Variants in SV2C observed in about 807,000 individuals in gnomAD.
The protein encoded by SV2C is solute carrier family 22 member B3.
SV2C carries 49 observed loss-of-function variants against 79.7 expected under a neutral mutation model. The observed-to-expected ratio is 0.61, with a 90% CI of 0.49 to 0.78. SV2C has a LOEUF of 0.78. Ranked by LOEUF, SV2C falls within the 30% of genes least tolerant of loss-of-function variation. The pLI is 0.00. For missense variants in SV2C, 833 were observed against 912.9 expected, an observed-to-expected ratio of 0.91 and a Z score of 1.13; for synonymous variants, 334 against 333.2, an observed-to-expected ratio of 1.00 and a Z score of -0.03.
chr5:75,883,482 T>C, the SV2C span, among the ~76,000 whole-genome samples: 4 of 142,962 alleles, frequency 2.8e-5, no homozygotes, highest in South Asian at 2.1e-4. Flanking sequence ...ATGTGGCACA[T>C]ATACACCATG....
At chr5:75,941,065 T>C in the SV2C span, among the ~76,000 whole-genome samples, 1 of 152,210 alleles carries the variant, frequency 6.6e-6, no homozygotes, top group Non-Finnish European at 1.5e-5. Flanking sequence ...TGGAATTTCA[T>C]ACATTATGCA....
intron 1 of SV2C, among the ~76,000 whole-genome samples, chr5:76,097,560 A>C (rs551070262): frequency 1.3e-5 from 2 of 152,298 alleles, no homozygotes; most frequent in South Asian, 4.1e-4. Flanking sequence ...CATATTTTAA[A>C]ACATAATTTG....
chr5:76,351,488 A>G (rs1749641335), intron 12 of SV2C, among the ~76,000 whole-genome samples: 1 of 152,028 alleles, frequency 6.6e-6, no homozygotes, highest in Non-Finnish European at 1.5e-5. Context: ...TCTGGGCTAG[A>G]TAGTATTTTG....
intron 4 of SV2C, among the ~76,000 whole-genome samples, chr5:76,217,206 C>T (rs554135095): frequency 2.0e-4 from 31 of 152,188 alleles, no homozygotes; most frequent in Non-Finnish European, 3.7e-4. Flanking sequence ...TTACCCCACC[C>T]TACGTCTCCA....
the SV2C span, among the ~76,000 whole-genome samples, chr5:76,025,611 T>C: frequency 6.6e-6 from 1 of 152,190 alleles, no homozygotes; most frequent in African/African-American, 2.4e-5. Context: ...TTTTATTCTA[T>C]GTATTGAGAT....
intron 4 of SV2C, among the ~76,000 whole-genome samples, chr5:76,225,029 G>T (rs375684038): frequency 1.3e-5 from 2 of 152,142 alleles, no homozygotes; most frequent in African/African-American, 2.4e-5. Context: ...ACTGGGTATG[G>T]CATCTTAGCC....
intron 1 of SV2C, among the ~76,000 whole-genome samples, chr5:76,099,752 A>G (rs888674942): frequency 1.3e-5 from 2 of 152,182 alleles, no homozygotes; most frequent in African/African-American, 4.8e-5. Context: ...TATTAACAGT[A>G]AGAAGGATTC....
chr5:76,105,486 C>A (rs1210581933), intron 1 of SV2C, among the ~76,000 whole-genome samples: 1 of 152,102 alleles, frequency 6.6e-6, no homozygotes, highest in African/African-American at 2.4e-5. Flanking sequence ...TTGAGTAGCA[C>A]CTGCTTCTCA....
intron 1 of SV2C, chr5:76,091,568 G>C (rs561928053): frequency 1.3e-5 from 2 of 152,252 alleles, no homozygotes; most frequent in Non-Finnish European, 2.9e-5. Flanking sequence ...CCTGGTGTAC[G>C]AACATGCCAA....
chr5:76,018,005 A>G, the SV2C span, among the ~76,000 whole-genome samples: 1 of 152,178 alleles, frequency 6.6e-6, no homozygotes, highest in Admixed American at 6.5e-5. Flanking sequence ...TCACGGTGCC[A>G]CAGCCTCATG....
the SV2C span, among the ~76,000 whole-genome samples, chr5:76,023,431 A>G: frequency 2.6e-5 from 4 of 152,130 alleles, no homozygotes; most frequent in Admixed American, 6.6e-5. Context: ...GAGCTCTGAA[A>G]TATGGCCAGG....
At chr5:75,971,730 C>T in the SV2C span, among the ~76,000 whole-genome samples, 425 of 152,164 alleles carry the variant, frequency 2.8e-3, 5 homozygotes, top group African/African-American at 7.9e-3. Flanking sequence ...GAATCAATAT[C>T]GTGAAAATGG....
the SV2C span, among the ~76,000 whole-genome samples, chr5:75,867,683 A>G: frequency 6.6e-6 from 1 of 152,210 alleles, no homozygotes; most frequent in African/African-American, 2.4e-5. Flanking sequence ...TTTCCATAGA[A>G]CATAGATCTT....
chr5:76,219,676 G>A (rs1745010880), intron 4 of SV2C, among the ~76,000 whole-genome samples: 1 of 152,170 alleles, frequency 6.6e-6, no homozygotes, highest in East Asian at 1.9e-4. Flanking sequence ...CTAGGATGCA[G>A]ATCGTCCCCA....
chr5:75,998,631 TATGTGAGTGTGC>T, the SV2C span, among the ~76,000 whole-genome samples: 1 of 152,030 alleles, frequency 6.6e-6, no homozygotes, highest in East Asian at 1.9e-4. Context: ...TGTGAGTGTG[TATGTGAGTGTGC>T]ATGTGTGTGT....
chr5:75,895,810 C>T, the SV2C span, among the ~76,000 whole-genome samples: 1 of 152,062 alleles, frequency 6.6e-6, no homozygotes, highest in East Asian at 1.9e-4. Flanking sequence ...TGTCTTGACT[C>T]CCGGAGCATG....
chr5:75,991,688 C>T, the SV2C span, among the ~76,000 whole-genome samples: 1 of 148,160 alleles, frequency 6.7e-6, no homozygotes, highest in Non-Finnish European at 1.5e-5. Context: ...TATATATTTG[C>T]AAAACCATCA....
At chr5:75,939,188 G>A in the SV2C span, among the ~76,000 whole-genome samples, 1 of 152,068 alleles carries the variant, frequency 6.6e-6, no homozygotes, top group Admixed American at 6.6e-5. Context: ...TTGTCTGCTT[G>A]GGCTGCTGTA....
chr5:75,900,879 G>T, the SV2C span, among the ~76,000 whole-genome samples: 1 of 152,086 alleles, frequency 6.6e-6, no homozygotes, highest in African/African-American at 2.4e-5. Flanking sequence ...GATCACATCA[G>T]CTCCCGAGGC....
Sources: allele counts gnomAD v4.1 joint callset (sites outside exome capture counted in the v4.1 genomes callset), GRCh38; gene constraint gnomAD v4.1.1; transcripts MANE v1.5; gene names NCBI Gene and HGNC (gene_info 2026-07-23, HGNC 2026-07-21).